DCTN1: variants seen among roughly 807,000 people sequenced by gnomAD.
The protein encoded by DCTN1 is 150 kDa dynein-associated polypeptide.
DCTN1 carries 61 observed loss-of-function variants against 161.2 expected under a neutral mutation model. The observed-to-expected ratio is 0.38, with a 90% CI of 0.31 to 0.47. The LOEUF is 0.47. Ranked by LOEUF, DCTN1 falls within the 20% of genes least tolerant of loss-of-function variation. The pLI, the probability that DCTN1 is intolerant of heterozygous loss-of-function variation, is 0.99. For missense variants in DCTN1, 1,404 were observed against 1,623.7 expected, an observed-to-expected ratio of 0.86 and a Z score of 2.33; for synonymous variants, 653 against 632.4, an observed-to-expected ratio of 1.03 and a Z score of -0.49.
chr2:74,362,718 G>A lies in DCTN1; in HGVS notation c.3541C>T (p.Pro1181Ser), dbSNP rs1262471175. Residue 1181 changes from proline to serine, a missense_variant, in exon 30 of 32, where the codon CCG (proline) becomes TCG (serine). Around this residue, in one of 9 missense-constraint regions of DCTN1, gnomAD observed 311 missense variants for 298.9 expected, o/e 1.04. Coordinates refer to ENST00000628224, the MANE Select transcript of DCTN1 (RefSeq NM_004082.5). ...ACTTGCTCCATAAGTTGGGCCGACG[G>A]GCTCTTGGCAGCTGTGGGGAGAGAA... ...ITRTSPAAKS[P>S]SAQLMEQVAQ... is the part of the protein sequence containing the mutation. The A allele has an allele frequency of 6.2e-7, 1 of 1,613,974 alleles. No individual in the cohort carries two copies. Among genetic ancestry groups the A allele is most frequent in the African/African-American group, 1.3e-5 (1 of 75,034 alleles).
chr2:74,370,358 G>A lies in DCTN1; in HGVS notation c.1128-13C>T. 1 of 1,613,982 alleles carries A rather than the reference G, an allele frequency of 6.2e-7. No homozygotes were observed. The highest frequency in any genetic ancestry group is 1.3e-5 in the African/African-American group (1 of 75,058). ...AAGATCCCGCATCCTGCAGGGATGT[G>A]AGGAAGGCAGAAGGAGGAAAGCACG... On this transcript the variant is annotated splice_polypyrimidine_tract_variant and intron_variant, in intron 11 of 31. Coordinates refer to ENST00000628224, the MANE Select transcript of DCTN1 (RefSeq NM_004082.5). The surrounding 1 kb of genome is among the most constrained non-coding windows in gnomAD (Gnocchi z 4.4).
intron 7 of DCTN1, 32 bp from the exon 8 acceptor site, chr2:74,371,760 G>C: frequency 6.4e-7 from 1 of 1,565,060 alleles, no homozygotes; most frequent in Admixed American, 1.8e-5. Context: ...AGACCAGAAA[G>C]AAAGCAGAGG....
In DCTN1 at chr2:74,366,291, T is replaced by C. The variant is rs1031926675; in HGVS notation, c.2713A>G (p.Thr905Ala). ...ILISTMNKLA[T>A]AMQEGEYDAE... ...TCATACTCCCCCTCCTGCATGGCTG[T>C]GGCCAGCTTGTTCATGGTACTGATG... The change falls in exon 23 of 32, where the codon ACA (threonine) becomes GCA (alanine). Residue 905 changes from threonine to alanine, a missense_variant. Physicochemically the swap from Thr to Ala is moderately conservative, Grantham distance 58 (BLOSUM62 0). Around this residue, in one of 9 missense-constraint regions of DCTN1, gnomAD observed 475 missense variants for 489.8 expected, o/e 0.97. Transcript: ENST00000628224. The C allele has an allele frequency of 6.2e-7, 1 of 1,614,240 alleles. No individual in the cohort carries two copies. The highest frequency in any genetic ancestry group is 8.5e-7 in the Non-Finnish European group (1 of 1,180,040).
chr2:74,378,324 C>T (rs573477682), intron 1 of DCTN1, 79 bp from the exon 2 acceptor site: 1 of 1,564,304 alleles, frequency 6.4e-7, no homozygotes, highest in Non-Finnish European at 8.7e-7. Flanking sequence ...AATGCCTCAG[C>T]CAAGATGCTG....
intron 1 of DCTN1, among the ~76,000 whole-genome samples, chr2:74,390,012 T>C (rs1675922076): frequency 6.6e-6 from 1 of 152,136 alleles, no homozygotes; most frequent in Non-Finnish European, 1.5e-5. Flanking sequence ...GATAATCTCA[T>C]TTCTTACTAT....
chr2:74,370,840 G>A lies in DCTN1; in HGVS notation c.844-15C>T. 6.2e-7 allele frequency: 1 copy of A among 1,614,140 alleles called. No individual in the cohort carries two copies. Among genetic ancestry groups the A allele is most frequent in the Non-Finnish European group, 8.5e-7 (1 of 1,180,018 alleles). ...TCCTTGGCTTCCTGAGGAAGAAGTG[G>A]AGGTGGGAGGGGGTACCAGCACAGA... On this transcript the variant is annotated splice_polypyrimidine_tract_variant and intron_variant, in intron 9 of 31. Transcript: ENST00000628224. The surrounding 1 kb of genome is among the most constrained non-coding windows in gnomAD (Gnocchi z 4.4).
chr2:74,367,274 T>C (rs1388541762), intron 19 of DCTN1, 78 bp downstream of exon 19: 1 of 1,579,058 alleles, frequency 6.3e-7, no homozygotes, highest in Non-Finnish European at 8.7e-7. Context: ...TGACACTTCT[T>C]GGGTGCCTGA....
At position 74,367,977 on chromosome 2, in the gene DCTN1, T is replaced by A. The variant is rs765819985; in HGVS notation, c.2009A>T (p.Tyr670Phe). 1.9e-6 allele frequency: 3 copies of A among 1,614,204 alleles called. No individual in the cohort carries two copies. The highest frequency in any genetic ancestry group is 2.5e-6 in the Non-Finnish European group (3 of 1,180,032). The part of the protein sequence containing the change: ...LSLLQATLHR[Y>F]EHALSQCSVD... ...GGAGTCAGGAGTCACTTACTGCTCATAGCGGTGTAGCGTGGCCTGCAGCAG... is the reference window on the plus strand; with the variant it reads ...GGAGTCAGGAGTCACTTACTGCTCAAAGCGGTGTAGCGTGGCCTGCAGCAG... Residue 670 changes from tyrosine to phenylalanine, a missense_variant, in exon 17 of 32, where the codon TAT (tyrosine) becomes TTT (phenylalanine). Around this residue, in one of 9 missense-constraint regions of DCTN1, gnomAD observed 475 missense variants for 489.8 expected, o/e 0.97. Transcript: ENST00000628224.
rs1311870033 is a variant in DCTN1 at position 74,370,736 on chromosome 2, C to T, written c.933G>A (p.Lys311=). ...ACTCAGCCCGCTCTTCAGCCATCTC[C>T]TTGTCCAAAGTGGCCATCTCAATGG... ...ADAIEMATLD[K]EMAEERAESL... Residue 311 remains lysine (K), a synonymous_variant, in exon 10 of 32, where the codon AAG becomes AAA. Coordinates refer to ENST00000628224, the MANE Select transcript of DCTN1 (RefSeq NM_004082.5). This position sits in a 1 kb window ranked among gnomAD's most constrained non-coding sequence, Gnocchi z 4.4. 6.2e-7 allele frequency: 1 copy of T among 1,614,244 alleles called. No homozygotes were observed. Among genetic ancestry groups the T allele is most frequent in the Non-Finnish European group, 8.5e-7 (1 of 1,180,048 alleles).
intron 31 of DCTN1, among the ~76,000 whole-genome samples, chr2:74,361,840 A>C (rs1262525800): frequency 2.0e-5 from 3 of 152,214 alleles, no homozygotes; most frequent in African/African-American, 7.2e-5. Context: ...CCTGGTGTCA[A>C]AAGTCACGGA....
Position 74,365,990 on chromosome 2 carries a change from G to C in DCTN1, c.2789C>G (p.Ala930Gly). 6.2e-7 allele frequency: 1 copy of C among 1,614,266 alleles called. No individual in the cohort carries two copies. The highest frequency in any genetic ancestry group is 8.5e-7 in the Non-Finnish European group (1 of 1,180,052). The change falls in exon 24 of 32, where the codon GCC (alanine) becomes GGC (glycine). Residue 930 changes from alanine to glycine, a missense_variant. Around this residue, in one of 9 missense-constraint regions of DCTN1, gnomAD observed 475 missense variants for 489.8 expected, o/e 0.97. Transcript: ENST00000628224. ...AGCATCTGTGATCTCTGCACGAAGGGCAGCAGCCCGCAGTTCAACCGGTGG... is the reference window on the plus strand; with the variant it reads ...AGCATCTGTGATCTCTGCACGAAGGCCAGCAGCCCGCAGTTCAACCGGTGG... ...KPPPVELRAAALRAEITDAEG... is the reference protein window; with the variant it reads ...KPPPVELRAAGLRAEITDAEG...
At chr2:74,381,806 C>T (rs958690683), upstream of DCTN1, among the ~76,000 whole-genome samples, 5 of 152,156 alleles carry the variant, frequency 3.3e-5, no homozygotes, top group African/African-American at 9.7e-5. Context: ...AGAGAGGTAT[C>T]GTGAGGATTA....
chr2:74,368,631 T>C (rs1674599925), intron 16 of DCTN1, 97 bp downstream of exon 16: 1 of 1,551,546 alleles, frequency 6.4e-7, no homozygotes, highest in Non-Finnish European at 8.9e-7. Flanking sequence ...AAACTCTTTG[T>C]GGGCAGAGAC....
intron 6 of DCTN1, among the ~76,000 whole-genome samples, chr2:74,373,983 G>C (rs930458627): frequency 2.6e-5 from 4 of 152,224 alleles, no homozygotes; most frequent in Non-Finnish European, 5.9e-5. Flanking sequence ...AGGCCTGCTA[G>C]AGGCACTGAG....
At chr2:74,372,235 C>T (rs1185690927) in intron 7 of DCTN1, among the ~76,000 whole-genome samples, 6 of 152,216 alleles carry the variant, frequency 3.9e-5, no homozygotes, top group Non-Finnish European at 8.8e-5. Flanking sequence ...AGGCTCTCTA[C>T]CCCTGCTAAG....
rs914567815 is a variant in DCTN1 at position 74,370,348 on chromosome 2, G to C, written c.1128-3C>G. On this transcript the variant is annotated splice_region_variant and splice_polypyrimidine_tract_variant and intron_variant, in intron 11 of 31. Coordinates refer to ENST00000628224, the MANE Select transcript of DCTN1 (RefSeq NM_004082.5). The surrounding 1 kb of genome is among the most constrained non-coding windows in gnomAD (Gnocchi z 4.4). ...CTGAGGAAGAAAGATCCCGCATCCT[G>C]CAGGGATGTGAGGAAGGCAGAAGGA... 6.2e-7 allele frequency: 1 copy of C among 1,613,864 alleles called. No individual in the cohort carries two copies. Among genetic ancestry groups the C allele is most frequent in the Non-Finnish European group, 8.5e-7 (1 of 1,180,050 alleles).
At chr2:74,375,098 A>G (rs1265338851) in intron 5 of DCTN1, among the ~76,000 whole-genome samples, 3 of 151,892 alleles carry the variant, frequency 2.0e-5, no homozygotes, top group Non-Finnish European at 4.4e-5. Context: ...ACACACATCT[A>G]GAGTGCCCCT....
chr2:74,384,335 A>T (rs1337022624), upstream of DCTN1, among the ~76,000 whole-genome samples: 1 of 152,354 alleles, frequency 6.6e-6, no homozygotes, highest in East Asian at 1.9e-4. Flanking sequence ...GGCACATCTG[A>T]ATATCTCTAC....
In DCTN1 at chr2:74,367,987, G is replaced by C; in HGVS notation, c.1999C>G (p.Leu667Val). The C allele has an allele frequency of 1.2e-6, 2 of 1,614,220 alleles. No individual in the cohort carries two copies. The highest frequency in any genetic ancestry group is 1.3e-5 in the African/African-American group (1 of 75,040). ...VYSLSLLQAT[L>V]HRYEHALSQC... ...GTCACTTACTGCTCATAGCGGTGTAGCGTGGCCTGCAGCAGGCTCAGCGAG... is the reference window on the plus strand; with the variant it reads ...GTCACTTACTGCTCATAGCGGTGTACCGTGGCCTGCAGCAGGCTCAGCGAG... The change falls in exon 17 of 32, where the codon CTA (leucine) becomes GTA (valine). Residue 667 changes from leucine to valine, a missense_variant. Leu to Val is a conservative substitution (Grantham distance 32). This residue lies in a region of DCTN1 where 475 missense variants were observed against 489.8 expected (regional missense o/e 0.97). Transcript: ENST00000628224.
Sources: gnomAD v4.1 joint callset for allele counts (sites outside exome capture counted in the v4.1 genomes callset) on GRCh38, gnomAD v4.1.1 for gene constraint, gnomAD v4.1.1 regional missense constraint, Gnocchi (gnomAD v3.1) non-coding constraint, MANE v1.5 for transcripts, NCBI Gene and HGNC (gene_info 2026-07-23, HGNC 2026-07-21) for gene names.